Variants in MACROD2 observed in about 807,000 individuals in gnomAD.
MACROD2 encodes ADP-ribose glycohydrolase MACROD2.
MACROD2 carries 36 observed loss-of-function variants against 70.4 expected under a neutral mutation model. That is an observed-to-expected ratio of 0.51 (90% CI 0.39 to 0.68). The LOEUF (loss-of-function observed/expected upper bound fraction) is 0.68, where lower values mean the gene tolerates loss of function less well. MACROD2 is among the 30% of genes least tolerant of loss of function. The pLI, the probability that MACROD2 is intolerant of heterozygous loss-of-function variation, is 0.00. For missense variants in MACROD2, 496 were observed against 538.4 expected (o/e 0.92, Z 0.78); for synonymous variants, 172 against 178.8 (o/e 0.96, Z 0.30).
intron 6 of MACROD2, among the ~76,000 whole-genome samples, chr20:15,283,711 A>G (rs2077467032): frequency 6.6e-6 from 1 of 152,102 alleles, no homozygotes; most frequent in African/African-American, 2.4e-5. Context: ...ACAAAAAAGA[A>G]AAAGAAAAAG....
intron 6 of MACROD2, among the ~76,000 whole-genome samples, chr20:15,283,943 T>A (rs1369877131): frequency 1.3e-5 from 2 of 152,176 alleles, no homozygotes; most frequent in Non-Finnish European, 2.9e-5. Context: ...ATCCCTTATT[T>A]TCCCAGTCCC....
intron 5 of MACROD2, among the ~76,000 whole-genome samples, chr20:14,856,824 C>G (rs2073259884): frequency 6.6e-6 from 1 of 152,074 alleles, no homozygotes; most frequent in Admixed American, 6.6e-5. Flanking sequence ...TTGCCGCCAC[C>G]ATCATCACCA....
At chr20:14,419,264 G>A (rs6079431) in intron 3 of MACROD2, among the ~76,000 whole-genome samples, 1 of 152,120 alleles carries the variant, frequency 6.6e-6, no homozygotes, top group Non-Finnish European at 1.5e-5. Context: ...GTGTTGGTTA[G>A]GCTGGTCTTG....
intron 4 of MACROD2, among the ~76,000 whole-genome samples, chr20:14,615,586 A>T (rs1983432727): frequency 6.6e-6 from 1 of 152,010 alleles, no homozygotes; most frequent in South Asian, 2.1e-4. Flanking sequence ...AATGGTGGGG[A>T]GGTATGAAGT....
chr20:15,082,536 T>G (rs1403531618), intron 5 of MACROD2, among the ~76,000 whole-genome samples: 2 of 140,474 alleles, frequency 1.4e-5, no homozygotes, highest in African/African-American at 2.6e-5. Flanking sequence ...TTTTTTTTTT[T>G]TTTTTTTTTT....
intron 5 of MACROD2, among the ~76,000 whole-genome samples, chr20:14,771,246 G>C (rs1340924240): frequency 6.6e-6 from 1 of 151,940 alleles, no homozygotes; most frequent in African/African-American, 2.4e-5. Flanking sequence ...CTAGCTTCCT[G>C]GGTCTCTAGT....
chr20:14,062,477 A>G (rs2053702008), intron 2 of MACROD2, among the ~76,000 whole-genome samples: 2 of 152,174 alleles, frequency 1.3e-5, no homozygotes, highest in Admixed American at 6.6e-5. Context: ...AAATATGAAT[A>G]GGAGTTTCTC....
intron 3 of MACROD2, among the ~76,000 whole-genome samples, chr20:14,160,038 A>T (rs2055161845): frequency 6.6e-6 from 1 of 152,092 alleles, no homozygotes; most frequent in African/African-American, 2.4e-5. Flanking sequence ...TGATTTGTAT[A>T]TGTTGAACTA....
intron 8 of MACROD2, among the ~76,000 whole-genome samples, chr20:15,527,877 C>T (rs557858066): frequency 1.2e-4 from 18 of 152,328 alleles, no homozygotes; most frequent in African/African-American, 4.3e-4. Context: ...TCCATTTTCT[C>T]CATAGCACTT....
intron 3 of MACROD2, among the ~76,000 whole-genome samples, chr20:14,204,782 T>A (rs1415987747): frequency 2.0e-5 from 3 of 152,224 alleles, no homozygotes; most frequent in African/African-American, 7.2e-5. Flanking sequence ...AAAATGGGGT[T>A]ATCTACTCAC....
chr20:15,581,633 T>C (rs2048525507), intron 8 of MACROD2, among the ~76,000 whole-genome samples: 1 of 152,154 alleles, frequency 6.6e-6, no homozygotes, highest in African/African-American at 2.4e-5. Context: ...ATGACTTAAA[T>C]GTAGATTTTC....
intron 6 of MACROD2, among the ~76,000 whole-genome samples, chr20:15,383,094 G>A (rs1369049821): frequency 6.6e-6 from 1 of 152,146 alleles, no homozygotes. Context: ...TAGGAGCTTA[G>A]TTTCAATGAG....
intron 5 of MACROD2, among the ~76,000 whole-genome samples, chr20:15,044,624 G>T (rs1216542253): frequency 2.6e-5 from 4 of 152,164 alleles, no homozygotes; most frequent in Admixed American, 2.6e-4. Context: ...AGGTAAAGAG[G>T]AGAGTAAAGG....
At chr20:14,359,974 C>T (rs1181515692) in intron 3 of MACROD2, among the ~76,000 whole-genome samples, 3 of 151,966 alleles carry the variant, frequency 2.0e-5, no homozygotes, top group East Asian at 1.9e-4. Flanking sequence ...ACGTGGAGAA[C>T]GTTATCTTAA....
intron 5 of MACROD2, among the ~76,000 whole-genome samples, chr20:14,876,745 T>C (rs946651104): frequency 3.0e-4 from 45 of 152,292 alleles, no homozygotes; most frequent in Middle Eastern, 6.8e-3. Context: ...ATGGTTTTTG[T>C]CAACTTTGTT....
chr20:15,104,590 C>T (rs2075897410), intron 5 of MACROD2, among the ~76,000 whole-genome samples: 1 of 152,122 alleles, frequency 6.6e-6, no homozygotes, highest in Non-Finnish European at 1.5e-5. Flanking sequence ...TTTGGACAGC[C>T]TTTGTGCTTG....
intron 8 of MACROD2, among the ~76,000 whole-genome samples, chr20:15,657,731 G>A (rs113752476): frequency 0.11 from 16,804 of 152,246 alleles, 1,299 homozygotes; most frequent in Non-Finnish European, 0.16. Context: ...GGTGGCTCAC[G>A]CCTGTAATCC....
At chr20:14,172,518 A>G (rs1392349139) in intron 3 of MACROD2, among the ~76,000 whole-genome samples, 1 of 151,950 alleles carries the variant, frequency 6.6e-6, no homozygotes, top group Non-Finnish European at 1.5e-5. Flanking sequence ...TTGGCCAGGC[A>G]GGTCTTAAAC....
At chr20:15,503,827 T>C (rs2047393499) in intron 8 of MACROD2, among the ~76,000 whole-genome samples, 1 of 152,208 alleles carries the variant, frequency 6.6e-6, no homozygotes, top group Non-Finnish European at 1.5e-5. Flanking sequence ...AGCTCTTAGC[T>C]GGTGAGGTTC....
Sources: gnomAD v4.1 joint callset for allele counts (sites outside exome capture counted in the v4.1 genomes callset) on GRCh38, gnomAD v4.1.1 for gene constraint, MANE v1.5 for transcripts, NCBI Gene and HGNC (gene_info 2026-07-23, HGNC 2026-07-21) for gene names.